Variants in TMEM132C observed in about 807,000 individuals in gnomAD.
TMEM132C encodes protein phosphatase 1, regulatory subunit 152.
TMEM132C carries 29 observed loss-of-function variants against 61.4 expected under a neutral mutation model. The observed-to-expected ratio is 0.47, with a 90% confidence interval of 0.35 to 0.64. The LOEUF is 0.64. TMEM132C is among the 30% of genes least tolerant of loss of function. TMEM132C has a pLI of 0.00. For missense variants in TMEM132C, 1,408 were observed against 1,476.9 expected, an observed-to-expected ratio of 0.95 and a Z score of 0.76; for synonymous variants, 656 against 633.1, an observed-to-expected ratio of 1.04 and a Z score of -0.54.
chr12:128,512,338 A>G (rs1365868234), intron 2 of TMEM132C, among the ~76,000 whole-genome samples: 2 of 152,068 alleles, frequency 1.3e-5, no homozygotes, highest in Middle Eastern at 3.4e-3. Context: ...TCTTGTTTTT[A>G]CCTCTTTTCT....
intron 2 of TMEM132C, among the ~76,000 whole-genome samples, chr12:128,497,860 G>T (rs1344282176): frequency 6.6e-6 from 1 of 152,152 alleles, no homozygotes; most frequent in Admixed American, 6.5e-5. Flanking sequence ...ACAAGCCCCA[G>T]TGAGATGAAC....
chr12:128,528,231 G>T (rs1017076275), intron 2 of TMEM132C, among the ~76,000 whole-genome samples: 1 of 152,184 alleles, frequency 6.6e-6, no homozygotes, highest in Admixed American at 6.5e-5. Context: ...CACTAGGGGA[G>T]TCTCATCTGC....
intron 2 of TMEM132C, among the ~76,000 whole-genome samples, chr12:128,521,317 A>ATGTGTGTG (rs759624247): frequency 6.8e-5 from 10 of 146,196 alleles, no homozygotes; most frequent in African/African-American, 2.5e-4. Context: ...GTATATATAT[A>ATGTGTGTG]TATGTGTGTG....
At chr12:128,476,957 CT>C (rs1432552847) in intron 2 of TMEM132C, among the ~76,000 whole-genome samples, 1 of 152,230 alleles carries the variant, frequency 6.6e-6, no homozygotes, top group Non-Finnish European at 1.5e-5. Context: ...TAAAACCTCA[CT>C]TTCACTTGGA....
chr12:128,495,913 T>G (rs1024111858), intron 2 of TMEM132C, among the ~76,000 whole-genome samples: 6 of 152,122 alleles, frequency 3.9e-5, no homozygotes, highest in Non-Finnish European at 8.8e-5. Context: ...AGTTGATGCA[T>G]TTTCTTCCTA....
Position 128,696,115 on chromosome 12 carries a change from G to A in TMEM132C, c.1929+12G>A. 1.3e-6 allele frequency: 2 copies of A among 1,549,494 alleles called. No individual in the cohort carries two copies. Among genetic ancestry groups the A allele is most frequent in the Non-Finnish European group, 1.7e-6 (2 of 1,145,920 alleles). ...TGACGACCATCCAGGTAGGAAGCTGGGAGTCTCTGTGTCCCCAGCACTGGG... is the reference window on the plus strand; with the variant it reads ...TGACGACCATCCAGGTAGGAAGCTGAGAGTCTCTGTGTCCCCAGCACTGGG... On this transcript the variant is annotated intron_variant, in intron 7 of 8. Coordinates refer to ENST00000435159, the MANE Select transcript of TMEM132C (RefSeq NM_001136103.3).
At chr12:128,367,961 C>G (rs1873917808) in intron 1 of TMEM132C, among the ~76,000 whole-genome samples, 1 of 152,204 alleles carries the variant, frequency 6.6e-6, no homozygotes, top group Admixed American at 6.5e-5. Flanking sequence ...CTAGACCGTG[C>G]TAACTGCTGT....
intron 1 of TMEM132C, among the ~76,000 whole-genome samples, chr12:128,272,774 A>G (rs1870565923): frequency 6.6e-6 from 1 of 152,136 alleles, no homozygotes; most frequent in African/African-American, 2.4e-5. Context: ...ATGTTGAATA[A>G]TATTTCTTGT....
chr12:128,518,771 G>GTA (rs1872804584), intron 2 of TMEM132C, among the ~76,000 whole-genome samples: 1 of 152,070 alleles, frequency 6.6e-6, no homozygotes, highest in Admixed American at 6.6e-5. Flanking sequence ...GTGTGTGTGT[G>GTA]TGTATGCACA....
intron 1 of TMEM132C, among the ~76,000 whole-genome samples, chr12:128,367,380 A>G (rs1873901703): frequency 6.6e-6 from 1 of 152,260 alleles, no homozygotes; most frequent in African/African-American, 2.4e-5. Context: ...GGTCACCTTC[A>G]GGAGAGAAAA....
chr12:128,379,884 C>T (rs1307408712), intron 1 of TMEM132C, among the ~76,000 whole-genome samples: 2 of 152,228 alleles, frequency 1.3e-5, no homozygotes, highest in Admixed American at 6.5e-5. Flanking sequence ...GTACAGAGTT[C>T]TGTTCAGTAA....
chr12:128,556,984 T>C (rs1164561015), intron 3 of TMEM132C, among the ~76,000 whole-genome samples: 3 of 152,182 alleles, frequency 2.0e-5, no homozygotes, highest in South Asian at 4.1e-4. Flanking sequence ...ATTTGTAGCA[T>C]AGCAACATGA....
At chr12:128,394,979 C>T (rs1384181321) in intron 1 of TMEM132C, among the ~76,000 whole-genome samples, 1 of 151,222 alleles carries the variant, frequency 6.6e-6, no homozygotes, top group South Asian at 2.1e-4. Context: ...CCTTCTACTC[C>T]TCTTAGGTAA....
chr12:128,339,123 G>A (rs562047178), intron 1 of TMEM132C, among the ~76,000 whole-genome samples: 3 of 152,076 alleles, frequency 2.0e-5, no homozygotes, highest in Non-Finnish European at 2.9e-5. Flanking sequence ...TAGAGTGGGC[G>A]TCTGTGTTGG....
At chr12:128,646,658 G>A (rs1353094408) in intron 4 of TMEM132C, among the ~76,000 whole-genome samples, 23 of 147,650 alleles carry the variant, frequency 1.6e-4, no homozygotes, top group African/African-American at 5.0e-4. Flanking sequence ...GTCCATCAGC[G>A]TTGGATGAGT....
chr12:128,294,051 TG>T, intron 1 of TMEM132C: 1 of 154,900 alleles, frequency 6.5e-6, no homozygotes, highest in South Asian at 2.0e-4. Flanking sequence ...TGACCTATCT[TG>T]GGTTTTGCAG....
rs533754661 is a variant in TMEM132C, at chr12:128,398,823, C to G, written c.86-15909C>G. ...GTGATGGTTTTACTGTTGTCCTCCTCCTGTCTTGATAATCCAGGTGTCACA... is the reference window on the plus strand; with the variant it reads ...GTGATGGTTTTACTGTTGTCCTCCTGCTGTCTTGATAATCCAGGTGTCACA... On this transcript the variant is annotated intron_variant, in intron 1 of 8. Coordinates refer to ENST00000435159, the MANE Select transcript of TMEM132C (RefSeq NM_001136103.3). Among the ~76,000 whole-genome samples the G allele has an allele frequency of 2.0e-5, 3 of 152,328 alleles. No individual in the cohort carries two copies. In the East Asian group the frequency reaches 5.8e-4, roughly 29 times the overall value.
chr12:128,275,622 G>T (rs1400086434), intron 1 of TMEM132C, among the ~76,000 whole-genome samples: 1 of 151,892 alleles, frequency 6.6e-6, no homozygotes, highest in Non-Finnish European at 1.5e-5. Flanking sequence ...CCACCCCCTG[G>T]TCCGATGTAA....
chr12:128,620,232 CA>C (rs386378194), intron 4 of TMEM132C, among the ~76,000 whole-genome samples: 3,032 of 61,970 alleles, frequency 0.049, 53 homozygotes, highest in African/African-American at 0.13. Flanking sequence ...GACCCTGTCT[CA>C]AAAAAAAAAA....
Sources: allele counts gnomAD v4.1 joint callset (sites outside exome capture counted in the v4.1 genomes callset), GRCh38; gene constraint gnomAD v4.1.1; transcripts MANE v1.5; gene names NCBI Gene and HGNC (gene_info 2026-07-23, HGNC 2026-07-21).